TUT4: variants seen among roughly 807,000 people sequenced by gnomAD.
The protein encoded by TUT4 is terminal uridylyl transferase 4.
Under a neutral mutation model 192.2 loss-of-function variants are expected in TUT4, and 36 were observed. The ratio of observed to expected loss-of-function variants is 0.19; its 90% CI spans 0.14 to 0.25. The LOEUF (loss-of-function observed/expected upper bound fraction) is 0.25. Among genes scored for constraint, TUT4 ranks in the 10% least tolerant of loss-of-function variants. TUT4 has a pLI of 1.00. For missense variants in TUT4, 1,493 were observed against 1,957.2 expected, an observed-to-expected ratio of 0.76 and a Z score of 4.47; for synonymous variants, 618 against 666.0, an observed-to-expected ratio of 0.93 and a Z score of 1.11.
intron 24 of TUT4, among the ~76,000 whole-genome samples, chr1:52,444,505 G>A (rs913988944): frequency 2.0e-5 from 3 of 151,908 alleles, no homozygotes; most frequent in Non-Finnish European, 2.9e-5. Flanking sequence ...GTAAATGCAC[G>A]TTTGTTGTGA....
At position 52,525,866 on chromosome 1, in the gene TUT4, T is replaced by G. The variant is rs1166596269; in HGVS notation, c.415A>C (p.Lys139Gln). Residue 139 changes from lysine to glutamine, a missense_variant, in exon 2 of 30, where the codon AAA (lysine) becomes CAA (glutamine). By Grantham distance (53) the Lys-to-Gln change is moderately conservative. This residue lies in a region of TUT4 where 260 missense variants were observed against 247.8 expected (regional missense o/e 1.05). Transcript: ENST00000257177. The stretch of plus-strand genomic sequence containing the variant: ...TGATAACTGGATGCTTTTTCTGCTT[T>G]CACTGAATTAGGTGACTTTGGTGAT... The part of the protein sequence containing the change: ...EKSPKSPNSV[K>Q]AEKASSYQMK... The G allele has an allele frequency of 1.2e-6, 2 of 1,614,168 alleles. No individual in the cohort carries two copies. Among genetic ancestry groups the G allele is most frequent in the Non-Finnish European group, 1.7e-6 (2 of 1,180,028 alleles).
At position 52,447,461 on chromosome 1, in the gene TUT4, C is replaced by CA. The variant is rs200333367; in HGVS notation, c.3436-795dup. 4.9e-3 allele frequency among the ~76,000 whole-genome samples: 550 copies of CA among 111,590 alleles called. 2 individuals carry two copies. The highest frequency in any genetic ancestry group is 0.028 in the African/African-American group (481 of 17,392). 73.2% of individuals were successfully genotyped at this position (111,590 alleles called of 152,430 possible). A position where few individuals can be genotyped will look rare whatever the true frequency, so the allele number is the denominator to read the frequency against. On this transcript the variant is annotated intron_variant, in intron 20 of 29. Transcript: ENST00000257177. Reference sequence around the variant, plus strand: ...GAGACTCCATCTCACCAAAAAAAAACAAAAAAACAAAAAAACAAAAAAAAA... The same window carrying CA: ...GAGACTCCATCTCACCAAAAAAAAACAAAAAAAACAAAAAAACAAAAAAAAA...
At chr1:52,550,314 G>C (rs556580116) in intron 1 of TUT4, among the ~76,000 whole-genome samples, 1 of 151,938 alleles carries the variant, frequency 6.6e-6, no homozygotes, top group South Asian at 2.1e-4. Flanking sequence ...GACTTTTTTA[G>C]GTCTTTCTGG....
rs554588074 is a variant in TUT4 at position 52,443,520 on chromosome 1, C to T, written c.3822+2267G>A. ...AGGAGAATCGCTTGAACCTGGGAGG[C>T]GGAGGTTGTGGTGAGCCGAGATCGC... On this transcript the variant is annotated intron_variant, in intron 24 of 29. Transcript: ENST00000257177. Among the ~76,000 whole-genome samples, 15 of 151,582 alleles carry T rather than the reference C, an allele frequency of 9.9e-5. No individual in the cohort carries two copies. The East Asian group carries it at 1.4e-3, about 14-fold the overall frequency.
chr1:52,480,583 G>C (rs1460606182), intron 11 of TUT4, among the ~76,000 whole-genome samples: 1 of 152,178 alleles, frequency 6.6e-6, no homozygotes. Context: ...AGTGATGTCA[G>C]ATTTTTCTTA....
intron 24 of TUT4, among the ~76,000 whole-genome samples, chr1:52,442,177 A>G (rs1655831851): frequency 6.6e-6 from 1 of 150,640 alleles, no homozygotes; most frequent in Admixed American, 6.6e-5. Context: ...CAAAAAAAAA[A>G]AAAAAAGCCA....
chr1:52,437,527 T>G (rs1557649897), intron 25 of TUT4: 1 of 152,774 alleles, frequency 6.5e-6, no homozygotes, highest in Non-Finnish European at 1.5e-5. Context: ...AAGAATTCCA[T>G]TAATTGTATT....
chr1:52,448,172 C>A (rs1047927560), intron 20 of TUT4, among the ~76,000 whole-genome samples: 1 of 152,172 alleles, frequency 6.6e-6, no homozygotes, highest in African/African-American at 2.4e-5. Flanking sequence ...GTATGTTACA[C>A]AGAAATCAAG....
intron 4 of TUT4, among the ~76,000 whole-genome samples, chr1:52,499,705 G>T (rs1673557348): frequency 6.6e-6 from 1 of 152,022 alleles, no homozygotes; most frequent in East Asian, 1.9e-4. Context: ...CTGCAGTCCA[G>T]CTTGAGCAAC....
At chr1:52,520,643 C>T (rs1401138414) in intron 2 of TUT4, among the ~76,000 whole-genome samples, 4 of 152,110 alleles carry the variant, frequency 2.6e-5, no homozygotes, top group Admixed American at 6.5e-5. Flanking sequence ...GGCTGGTTCA[C>T]CTCTTTCCTT....
rs1273279890 is a variant in TUT4 at position 52,475,479 on chromosome 1, C to G, written c.2080G>C (p.Glu694Gln). The change falls in exon 13 of 30, where the codon GAA (glutamate) becomes CAA (glutamine). Residue 694 changes from glutamate (E) to glutamine (Q), a missense_variant. Physicochemically the swap from Glu to Gln is conservative, Grantham distance 29. This residue lies in a region of TUT4 where 437 missense variants were observed against 577.6 expected (regional missense o/e 0.76). Coordinates refer to ENST00000257177, the MANE Select transcript of TUT4 (RefSeq NM_001009881.3). ...GCCCTAAATCTCTCCACAACATATT[C>G]GTAAACCAGCTGGCTGTTTAAGCTC... ...ARSLNSQLVY[E>Q]YVVERFRAAY... The G allele has an allele frequency of 1.2e-6, 2 of 1,614,044 alleles. No homozygotes were observed. The highest frequency in any genetic ancestry group is 3.3e-5 in the Admixed American group (2 of 60,016).
At chr1:52,530,356 G>A (rs1256536384) in intron 1 of TUT4, among the ~76,000 whole-genome samples, 2 of 151,680 alleles carry the variant, frequency 1.3e-5, no homozygotes, top group African/African-American at 2.4e-5. Context: ...CTTTTTAAGG[G>A]TACACAGTAG....
At chr1:52,495,983 C>T (rs1167218355) in intron 5 of TUT4, among the ~76,000 whole-genome samples, 1 of 151,974 alleles carries the variant, frequency 6.6e-6, no homozygotes, top group South Asian at 2.1e-4. Context: ...AAACCTAAAA[C>T]CCAAAACACT....
chr1:52,534,886 G>A (rs1470939487), intron 1 of TUT4: 1 of 152,014 alleles, frequency 6.6e-6, no homozygotes, highest in Non-Finnish European at 1.5e-5. Flanking sequence ...TAAAATTCTA[G>A]GTTAGAAATT....
intron 20 of TUT4, among the ~76,000 whole-genome samples, chr1:52,453,816 A>T (rs1660117436): frequency 6.6e-6 from 1 of 152,212 alleles, no homozygotes; most frequent in South Asian, 2.1e-4. Flanking sequence ...TTCACATATG[A>T]CATGATAATC....
At chr1:52,545,395 GT>G (rs1387309122) in intron 1 of TUT4, among the ~76,000 whole-genome samples, 1 of 145,610 alleles carries the variant, frequency 6.9e-6, no homozygotes, top group Non-Finnish European at 1.5e-5. Context: ...AAAAAAAAAA[GT>G]AACCCCACAG....
chr1:52,441,424 G>A lies in TUT4; in HGVS notation c.3823-3089C>T, dbSNP rs371502427. On this transcript the variant is annotated intron_variant, in intron 24 of 29. Transcript: ENST00000257177. ...TCAGCCAAGCTGGGACTACAGGCGTGCACCACCACTCTCGGCTAAATTTTT... is the reference window on the plus strand; with the variant it reads ...TCAGCCAAGCTGGGACTACAGGCGTACACCACCACTCTCGGCTAAATTTTT... 4.7e-4 allele frequency among the ~76,000 whole-genome samples: 71 copies of A among 149,578 alleles called. 5 individuals carry two copies. In the South Asian group the frequency reaches 0.015, roughly 31 times the overall value.
At chr1:52,537,845 A>C (rs1158176416) in intron 1 of TUT4, among the ~76,000 whole-genome samples, 1 of 152,158 alleles carries the variant, frequency 6.6e-6, no homozygotes, top group Non-Finnish European at 1.5e-5. Context: ...CCGAGAAGGC[A>C]GTTTGCTGTG....
chr1:52,480,612 C>T (rs58845162), intron 11 of TUT4, among the ~76,000 whole-genome samples: 13,339 of 152,120 alleles, frequency 0.088, 736 homozygotes, highest in East Asian at 0.2. Context: ...GAAGTAAGAG[C>T]ATGTTTGATT....
Sources: gnomAD v4.1 joint callset for allele counts (sites outside exome capture counted in the v4.1 genomes callset) on GRCh38, gnomAD v4.1.1 for gene constraint, gnomAD v4.1.1 regional missense constraint, MANE v1.5 for transcripts, NCBI Gene and HGNC (gene_info 2026-07-23, HGNC 2026-07-21) for gene names.